The following USP43 variants were observed in gnomAD, a reference collection of about 807,000 sequenced individuals.
The protein encoded by USP43 is ubiquitin carboxyl-terminal hydrolase 43.
USP43 carries 33 observed loss-of-function variants against 90.7 expected under a neutral mutation model. That is an observed-to-expected ratio of 0.36 (90% CI 0.28 to 0.49). USP43 has a LOEUF of 0.49. Among genes scored for constraint, USP43 ranks in the 20% least tolerant of loss-of-function variants. USP43 has a pLI of 0.98. For missense variants in USP43, 1,274 were observed against 1,476.4 expected (o/e 0.86, Z 2.25); for synonymous variants, 598 against 615.8 (o/e 0.97, Z 0.43).
At position 9,674,885 on chromosome 17, in the gene USP43, T is replaced by A; in HGVS notation, c.741-6T>A. 1 of 1,613,410 alleles carries A rather than the reference T, an allele frequency of 6.2e-7. No individual in the cohort carries two copies. The highest frequency in any genetic ancestry group is 8.5e-7 in the Non-Finnish European group (1 of 1,179,330). On this transcript the variant is annotated splice_polypyrimidine_tract_variant and splice_region_variant and intron_variant, in intron 3 of 14. Transcript: ENST00000285199. The surrounding 1 kb of genome is among the most constrained non-coding windows in gnomAD (Gnocchi z 4.4). ...AAACGTTCGCCTCTGTTCTTCACCC[T>A]CACAGATCTTCCTTGACTTGTCCCC... is the stretch of plus-strand genomic sequence containing the variant.
Position 9,667,206 on chromosome 17 carries a change from A to C in USP43, c.740+455A>C, listed in dbSNP as rs375015776. On this transcript the variant is annotated intron_variant, in intron 3 of 14. Transcript: ENST00000285199. Reference sequence around the variant, plus strand: ...GGAGACCCCATCTGTACCAAAAAAAACCACAAAAAACAAAAACAAAACCTA... The same window carrying C: ...GGAGACCCCATCTGTACCAAAAAAACCCACAAAAAACAAAAACAAAACCTA... Among the ~76,000 whole-genome samples the C allele has an allele frequency of 1.7e-3, 265 of 152,052 alleles. 1 individual carries two copies. Among genetic ancestry groups the C allele is most frequent in the East Asian group, 5.8e-3 (30 of 5,150 alleles).
At chr17:9,724,211 C>T (rs950427777) in intron 14 of USP43, among the ~76,000 whole-genome samples, 4 of 152,188 alleles carry the variant, frequency 2.6e-5, no homozygotes, top group Non-Finnish European at 5.9e-5. Context: ...TTCTTCCCCG[C>T]TTCGTCCTGC....
intron 2 of USP43, among the ~76,000 whole-genome samples, chr17:9,661,602 C>T (rs1912643367): frequency 6.6e-6 from 1 of 152,162 alleles, no homozygotes; most frequent in Admixed American, 6.5e-5. Context: ...AAGCAATCCT[C>T]CCACCTTGGC....
chr17:9,682,496 G>C (rs1379164717), intron 6 of USP43, among the ~76,000 whole-genome samples: 1 of 152,212 alleles, frequency 6.6e-6, no homozygotes, highest in Non-Finnish European at 1.5e-5. Flanking sequence ...TTTGAACCTG[G>C]AAGGTAGAGT....
At chr17:9,645,449 C>T, upstream of USP43, 2 of 437,394 alleles carry the variant, frequency 4.6e-6, no homozygotes, top group Non-Finnish European at 6.8e-6. The surrounding 1 kb of genome is among the most constrained non-coding windows in gnomAD (Gnocchi z 6.8). Context: ...GGGGGCTGGT[C>T]GTGCCGCCGG....
chr17:9,655,018 A>T (rs1188628288), intron 1 of USP43, among the ~76,000 whole-genome samples: 2 of 149,244 alleles, frequency 1.3e-5, no homozygotes, highest in African/African-American at 4.9e-5. Flanking sequence ...GATTACAGGC[A>T]TGAGCCACTG....
rs1555555524 is a variant in USP43 at position 9,715,721 on chromosome 17, A to ATG, written c.2335+3609_2335+3610dup. Among the ~76,000 whole-genome samples the ATG allele has an allele frequency of 3.7e-3, 385 of 103,074 alleles. 1 individual carries two copies. The highest frequency in any genetic ancestry group is 7.7e-3 in the East Asian group (24 of 3,098). 67.6% of individuals were successfully genotyped at this position (103,074 alleles called of 152,430 possible). A position where few individuals can be genotyped will look rare whatever the true frequency, so the allele number is the denominator to read the frequency against. ...TGTCTGTGTGTGTCTCTGTGTGTGT[A>ATG]TGTGTGTGTGTGTGTGTGTGTCTCT... is the stretch of plus-strand genomic sequence containing the variant. On this transcript the variant is annotated intron_variant, in intron 14 of 14. Coordinates refer to ENST00000285199, the MANE Select transcript of USP43 (RefSeq NM_153210.5).
intron 2 of USP43, among the ~76,000 whole-genome samples, chr17:9,664,937 A>G (rs1285465006): frequency 1.3e-4 from 20 of 152,156 alleles, no homozygotes; most frequent in Admixed American, 1.3e-3. Flanking sequence ...GCGCCCAGTC[A>G]ATATTTATAT....
chr17:9,649,624 C>T (rs1446559164), intron 1 of USP43, among the ~76,000 whole-genome samples: 1 of 140,902 alleles, frequency 7.1e-6, no homozygotes, highest in Non-Finnish European at 1.5e-5. Context: ...TGAGAATACG[C>T]AATATTTGAT....
At chr17:9,694,151 G>T (rs932966094) in intron 9 of USP43, among the ~76,000 whole-genome samples, 1 of 152,172 alleles carries the variant, frequency 6.6e-6, no homozygotes, top group African/African-American at 2.4e-5. Context: ...AGACCCCCAG[G>T]TTCTCAGTAA....
At chr17:9,668,122 T>G (rs1191096379) in intron 3 of USP43, among the ~76,000 whole-genome samples, 2 of 152,204 alleles carry the variant, frequency 1.3e-5, no homozygotes, top group Non-Finnish European at 2.9e-5. Flanking sequence ...CAAAACAAGT[T>G]TTTTGTATTT....
At chr17:9,720,377 T>C (rs933375614) in intron 14 of USP43, among the ~76,000 whole-genome samples, 6 of 151,088 alleles carry the variant, frequency 4.0e-5, no homozygotes, top group African/African-American at 1.2e-4. Context: ...TTTTTTTTTT[T>C]TTAATTCTTA....
At chr17:9,699,572 G>A (rs192028671) in intron 9 of USP43, among the ~76,000 whole-genome samples, 2 of 152,294 alleles carry the variant, frequency 1.3e-5, no homozygotes, top group East Asian at 3.9e-4. Context: ...ATTGATTTCA[G>A]GATAAAACCT....
intron 5 of USP43, 70 bp from the exon 6 acceptor site, chr17:9,680,161 A>G (rs1597841996): frequency 1.9e-6 from 3 of 1,558,014 alleles, no homozygotes; most frequent in East Asian, 4.5e-5. Flanking sequence ...ACTATCAGTC[A>G]CTTTTAGATT....
intron 8 of USP43, among the ~76,000 whole-genome samples, chr17:9,692,903 A>G (rs190294276): frequency 6.6e-6 from 1 of 152,344 alleles, no homozygotes; most frequent in East Asian, 1.9e-4. Flanking sequence ...GGAAGATGTA[A>G]CATATTAAAC....
chr17:9,676,737 A>G lies in USP43; in HGVS notation c.834-9A>G, dbSNP rs777902138. 10 of 1,611,658 alleles carry G rather than the reference A, an allele frequency of 6.2e-6. No homozygotes were observed. In the East Asian group the frequency reaches 8.9e-5, roughly 14 times the overall value. On this transcript the variant is annotated splice_polypyrimidine_tract_variant and intron_variant, in intron 4 of 14. Transcript: ENST00000285199. ...TCCTTTAAGGGTGTTGCCCCTTCCTATTTTCCAGGTTCTTGAGTGTCACCT... is the reference window on the plus strand; with the variant it reads ...TCCTTTAAGGGTGTTGCCCCTTCCTGTTTTCCAGGTTCTTGAGTGTCACCT...
At chr17:9,725,154 C>CT (rs1220893031) in intron 14 of USP43, among the ~76,000 whole-genome samples, 1 of 152,188 alleles carries the variant, frequency 6.6e-6, no homozygotes, top group African/African-American at 2.4e-5. Context: ...AGCCTGTCAG[C>CT]TGCACTGGTG....
rs1201493421 is a variant in USP43, at chr17:9,674,822, T to C, written c.741-69T>C. 7.8e-7 allele frequency: 1 copy of C among 1,277,430 alleles called. No individual in the cohort carries two copies. The highest frequency in any genetic ancestry group is 1.1e-6 in the Non-Finnish European group (1 of 876,068). 79.1% of individuals were successfully genotyped at this position (1,277,430 alleles called of 1,614,324 possible). ...GGGAGTGGAAATGCAAGGATAATTCTGTATTGAATTTTACCCCCAAATTGT... is the reference window on the plus strand; with the variant it reads ...GGGAGTGGAAATGCAAGGATAATTCCGTATTGAATTTTACCCCCAAATTGT... On this transcript the variant is annotated intron_variant, in intron 3 of 14. Transcript: ENST00000285199. The surrounding 1 kb of genome is among the most constrained non-coding windows in gnomAD (Gnocchi z 4.4).
intron 9 of USP43, among the ~76,000 whole-genome samples, chr17:9,698,684 T>C (rs1915406451): frequency 6.6e-6 from 1 of 152,222 alleles, no homozygotes; most frequent in South Asian, 2.1e-4. Context: ...CACACCTCTT[T>C]CTTTCTGGGA....
Sources: gnomAD v4.1 joint callset for allele counts (sites outside exome capture counted in the v4.1 genomes callset) on GRCh38, gnomAD v4.1.1 for gene constraint, Gnocchi (gnomAD v3.1) non-coding constraint, MANE v1.5 for transcripts, NCBI Gene and HGNC (gene_info 2026-07-23, HGNC 2026-07-21) for gene names.